MTHFD2L: variants seen among roughly 807,000 people sequenced by gnomAD.
MTHFD2L encodes the protein methylenetetrahydrofolate dehydrogenase (NADP+ dependent) 2 like, also known as bifunctional methylenetetrahydrofolate dehydrogenase/cyclohydrolase 2, mitochondrial.
A neutral mutation model predicts 34.9 loss-of-function variants in MTHFD2L; 29 were observed. That is an observed-to-expected ratio of 0.83 (90% confidence interval 0.62 to 1.13). The LOEUF (loss-of-function observed/expected upper bound fraction) is 1.13, where lower values mean the gene tolerates loss of function less well. MTHFD2L is among the 50% of genes most tolerant of loss of function. The pLI is 0.00. For missense variants in MTHFD2L, 481 were observed against 446.5 expected (o/e 1.08, Z -0.70); for synonymous variants, 167 against 155.7 (o/e 1.07, Z -0.54).
intron 6 of MTHFD2L, among the ~76,000 whole-genome samples, chr4:74,247,252 G>A (rs1455930702): frequency 2.0e-5 from 3 of 151,950 alleles, no homozygotes; most frequent in African/African-American, 7.2e-5. Context: ...TTGTGAATGG[G>A]AGTTCACTCA....
intron 1 of MTHFD2L, among the ~76,000 whole-genome samples, chr4:74,143,958 G>A (rs988865606): frequency 6.6e-6 from 1 of 152,176 alleles, no homozygotes; most frequent in African/African-American, 2.4e-5. Flanking sequence ...AATGAAATGA[G>A]AAGGTAGCAA....
chr4:74,270,615 G>A (rs1410010922), intron 6 of MTHFD2L, among the ~76,000 whole-genome samples: 3 of 152,168 alleles, frequency 2.0e-5, no homozygotes, highest in African/African-American at 7.2e-5. Flanking sequence ...ATTGTGAGTA[G>A]TGCCGCAATA....
At chr4:74,235,285 A>G (rs1740684704) in intron 6 of MTHFD2L, among the ~76,000 whole-genome samples, 2 of 152,184 alleles carry the variant, frequency 1.3e-5, no homozygotes, top group Non-Finnish European at 2.9e-5. Flanking sequence ...ACACTAATAC[A>G]GGAGTAGATG....
chr4:74,264,429 C>T (rs1263063829), intron 6 of MTHFD2L, among the ~76,000 whole-genome samples: 2 of 151,644 alleles, frequency 1.3e-5, no homozygotes, highest in Non-Finnish European at 2.9e-5. Context: ...TAGACTATTC[C>T]AAGTAACTTA....
At chr4:74,136,630 A>C (rs1240510194) in intron 1 of MTHFD2L, among the ~76,000 whole-genome samples, 1 of 152,096 alleles carries the variant, frequency 6.6e-6, no homozygotes, top group Non-Finnish European at 1.5e-5. Flanking sequence ...AAAAATCTGA[A>C]ATTCATATGG....
At chr4:74,193,818 T>C (rs1329218033) in intron 3 of MTHFD2L, among the ~76,000 whole-genome samples, 1 of 152,184 alleles carries the variant, frequency 6.6e-6, no homozygotes, top group Admixed American at 6.5e-5. Context: ...TTTTATAAAT[T>C]TTTAAGCATG....
At chr4:74,283,767 A>G (rs1747793630) in intron 7 of MTHFD2L, among the ~76,000 whole-genome samples, 1 of 152,116 alleles carries the variant, frequency 6.6e-6, no homozygotes, top group Non-Finnish European at 1.5e-5. Flanking sequence ...GAGCAAGAGT[A>G]CTAATGAGGA....
chr4:74,218,616 C>T (rs529624474), intron 5 of MTHFD2L, among the ~76,000 whole-genome samples: 7 of 117,842 alleles, frequency 5.9e-5, no homozygotes, highest in Middle Eastern at 8.1e-3. Flanking sequence ...AATTTCAAGC[C>T]CCCCCCCCAC....
chr4:74,214,036 G>A (rs758203347), intron 5 of MTHFD2L, among the ~76,000 whole-genome samples: 3 of 151,598 alleles, frequency 2.0e-5, no homozygotes, highest in African/African-American at 7.3e-5. Flanking sequence ...CAAAGTTCTC[G>A]TGCTGTGTTT....
chr4:74,115,018 C>T (rs1225179153), intron 2 of MTHFD2L, among the ~76,000 whole-genome samples: 1 of 152,220 alleles, frequency 6.6e-6, no homozygotes, highest in African/African-American at 2.4e-5. Flanking sequence ...GGCCAGGCAG[C>T]TGCCCTTGCC....
intron 3 of MTHFD2L, among the ~76,000 whole-genome samples, chr4:74,181,167 AGGGT>A (rs1438856764): frequency 6.6e-6 from 1 of 152,154 alleles, no homozygotes; most frequent in Non-Finnish European, 1.5e-5. Flanking sequence ...AATTTGGTGC[AGGGT>A]GAATTTGATT....
intron 5 of MTHFD2L, among the ~76,000 whole-genome samples, chr4:74,202,503 T>A (rs1421123618): frequency 6.6e-6 from 1 of 152,096 alleles, no homozygotes; most frequent in Non-Finnish European, 1.5e-5. Context: ...GGAGATGGAA[T>A]GAAAAGGAAA....
chr4:74,135,897 T>C (rs1175474956), intron 1 of MTHFD2L, among the ~76,000 whole-genome samples: 4 of 152,044 alleles, frequency 2.6e-5, no homozygotes, highest in Admixed American at 2.6e-4. Context: ...ATAGATGCCA[T>C]AAAGGTAAAG....
At chr4:74,286,082 T>G (rs1748128715) in intron 7 of MTHFD2L, among the ~76,000 whole-genome samples, 1 of 152,162 alleles carries the variant, frequency 6.6e-6, no homozygotes, top group African/African-American at 2.4e-5. Context: ...ATTACTAAAT[T>G]GAAGTGCTAT....
At chr4:74,143,105 C>T (rs182711741) in intron 1 of MTHFD2L, among the ~76,000 whole-genome samples, 1 of 149,898 alleles carries the variant, frequency 6.7e-6, no homozygotes, top group African/African-American at 2.5e-5. Context: ...CTATATATTA[C>T]CAGCATTAAG....
At chr4:74,129,216 C>T (rs1722293269) in intron 1 of MTHFD2L, among the ~76,000 whole-genome samples, 1 of 151,954 alleles carries the variant, frequency 6.6e-6, no homozygotes, top group Non-Finnish European at 1.5e-5. Context: ...ATATTCAGGA[C>T]TTGAACTCAG....
chr4:74,130,661 C>G (rs1266037695), intron 1 of MTHFD2L, among the ~76,000 whole-genome samples: 1 of 152,182 alleles, frequency 6.6e-6, no homozygotes, highest in Non-Finnish European at 1.5e-5. Context: ...GAAGCATTCC[C>G]TTTGAAAACC....
intron 7 of MTHFD2L, among the ~76,000 whole-genome samples, chr4:74,290,708 G>A (rs1014219596): frequency 1.3e-5 from 2 of 151,914 alleles, no homozygotes; most frequent in African/African-American, 4.8e-5. Flanking sequence ...TCCCACGAAA[G>A]TATTAACCCA....
intron 7 of MTHFD2L, among the ~76,000 whole-genome samples, chr4:74,286,331 G>A (rs375236184): frequency 6.6e-6 from 1 of 152,208 alleles, no homozygotes; most frequent in African/African-American, 2.4e-5. Flanking sequence ...ATAAGTTTAT[G>A]TTTGCTATAT....
Sources: gnomAD v4.1 joint callset for allele counts (sites outside exome capture counted in the v4.1 genomes callset) on GRCh38, gnomAD v4.1.1 for gene constraint, MANE v1.5 for transcripts, NCBI Gene and HGNC (gene_info 2026-07-23, HGNC 2026-07-21) for gene names.